The following NRXN3 variants were observed in gnomAD, a reference collection of about 807,000 sequenced individuals.
The protein encoded by NRXN3 is neurexin 3, also known as neurexin III.
In NRXN3, 32 loss-of-function variants were observed where a neutral mutation model predicts 137.6. The observed-to-expected ratio is 0.23, with a 90% CI of 0.18 to 0.31. NRXN3 has a LOEUF of 0.31. Ranked by LOEUF, NRXN3 falls within the 10% of genes least tolerant of loss-of-function variation. The pLI is 1.00. For synonymous variants in NRXN3, 798 were observed against 784.5 expected (o/e 1.02, Z -0.29); for missense variants, 1,574 against 2,062.5 (o/e 0.76, Z 4.59).
At chr14:78,252,084 T>C (rs2153462831) in intron 2 of NRXN3, among the ~76,000 whole-genome samples, 1 of 152,264 alleles carries the variant, frequency 6.6e-6, no homozygotes, top group African/African-American at 2.4e-5. Flanking sequence ...AAATGTGTCA[T>C]CGTCTATATC....
At position 79,466,959 on chromosome 14, in the gene NRXN3, C is replaced by T. The variant is rs139287107; in HGVS notation, c.3263-262C>T. ...ACTTAGGATGTTATTTACCCTCCAC[C>T]GTTATGCAGCGGGAACTTAAGATGT... On this transcript the variant is annotated intron_variant, in intron 15 of 20. Coordinates refer to ENST00000335750, the MANE Select transcript of NRXN3 (RefSeq NM_001330195.2). Among the ~76,000 whole-genome samples, 166 of 152,288 alleles carry T rather than the reference C, an allele frequency of 1.1e-3. 1 individual carries two copies. Among genetic ancestry groups the T allele is most frequent in the South Asian group, 2.7e-3 (13 of 4,824 alleles).
At chr14:79,365,187 T>C (rs894253691) in intron 15 of NRXN3, among the ~76,000 whole-genome samples, 1 of 152,156 alleles carries the variant, frequency 6.6e-6, no homozygotes, top group Non-Finnish European at 1.5e-5. Context: ...TTCTGAGTTC[T>C]GTACAACAGA....
At chr14:78,650,579 C>T (rs902650044) in intron 5 of NRXN3, among the ~76,000 whole-genome samples, 6 of 151,758 alleles carry the variant, frequency 4.0e-5, no homozygotes, top group African/African-American at 1.2e-4. Flanking sequence ...CATGTATCAT[C>T]CATGACCATA....
chr14:79,768,467 T>C (rs987760779), intron 19 of NRXN3, among the ~76,000 whole-genome samples: 1 of 152,158 alleles, frequency 6.6e-6, no homozygotes, highest in Admixed American at 6.5e-5. Flanking sequence ...CCCTGACCCC[T>C]GACCCCCGAG....
At position 79,497,944 on chromosome 14, in the gene NRXN3, G is replaced by T. The variant is rs138926694; in HGVS notation, c.3444+30542G>T. Among the ~76,000 whole-genome samples, 106 of 152,202 alleles carry T rather than the reference G, an allele frequency of 7.0e-4. No homozygotes were observed. In the East Asian group the frequency reaches 0.02, roughly 29 times the overall value. ...AGCTACTTGGAAGGCTGAGGCAAGAGAATCACTTGAACCCAGGATGCAGAG... is the reference window on the plus strand; with the variant it reads ...AGCTACTTGGAAGGCTGAGGCAAGATAATCACTTGAACCCAGGATGCAGAG... On this transcript the variant is annotated intron_variant, in intron 16 of 20. Transcript: ENST00000335750.
At chr14:78,884,806 G>T (rs555686298) in intron 10 of NRXN3, among the ~76,000 whole-genome samples, 19 of 152,256 alleles carry the variant, frequency 1.2e-4, no homozygotes, top group African/African-American at 4.3e-4. Context: ...CTAACTAGCT[G>T]TGCAATCTTG....
At chr14:79,015,994 T>C (rs2099578545) in intron 15 of NRXN3, among the ~76,000 whole-genome samples, 1 of 152,162 alleles carries the variant, frequency 6.6e-6, no homozygotes, top group Non-Finnish European at 1.5e-5. Flanking sequence ...GGAACAGGAC[T>C]GAAAGGGCCG....
intron 4 of NRXN3, among the ~76,000 whole-genome samples, chr14:78,327,703 C>T (rs2080274397): frequency 6.6e-6 from 1 of 152,184 alleles, no homozygotes; most frequent in African/African-American, 2.4e-5. Context: ...CAAGAAACTG[C>T]TGCTCTCATG....
intron 19 of NRXN3, among the ~76,000 whole-genome samples, chr14:79,755,349 C>G (rs1167732894): frequency 6.6e-6 from 1 of 151,620 alleles, no homozygotes; most frequent in Non-Finnish European, 1.5e-5. Context: ...ATATCATTCT[C>G]TCTCCCTCTG....
chr14:78,828,722 A>G (rs550137416), intron 10 of NRXN3, among the ~76,000 whole-genome samples: 1 of 152,254 alleles, frequency 6.6e-6, no homozygotes, highest in Admixed American at 6.5e-5. Flanking sequence ...AGTTTGGAAA[A>G]CTCTTCATTT....
intron 20 of NRXN3, among the ~76,000 whole-genome samples, chr14:79,848,619 T>C (rs1254669503): frequency 6.6e-6 from 1 of 152,188 alleles, no homozygotes; most frequent in East Asian, 1.9e-4. Flanking sequence ...AAAAATCATC[T>C]GTGTACCAGT....
chr14:79,336,734 T>C (rs1478125381), intron 15 of NRXN3, among the ~76,000 whole-genome samples: 1 of 152,204 alleles, frequency 6.6e-6, no homozygotes, highest in African/African-American at 2.4e-5. Context: ...GAATCACCTG[T>C]GCTATGACTC....
At chr14:79,679,976 C>A (rs1188947806) in intron 17 of NRXN3, among the ~76,000 whole-genome samples, 1 of 152,084 alleles carries the variant, frequency 6.6e-6, no homozygotes, top group Non-Finnish European at 1.5e-5. Context: ...CTTTTGGTAA[C>A]CCCTTAGTCC....
intron 4 of NRXN3, among the ~76,000 whole-genome samples, chr14:78,519,223 C>T (rs575657098): frequency 3.3e-4 from 50 of 152,178 alleles, no homozygotes; most frequent in African/African-American, 1.1e-3. Flanking sequence ...TATTAGTAAA[C>T]ATATGTCTGT....
Position 79,862,053 on chromosome 14 carries a change from G to C in NRXN3, c.*89G>C. ...GGACGGTGAGATCTCACAGATGTCA[G>C]AACTGCTGGAACTATGAAATGGGGT... On this transcript the variant is annotated 3_prime_UTR_variant, in exon 21 of 21. Transcript: ENST00000335750. The C allele has an allele frequency of 1.8e-6, 2 of 1,103,200 alleles. No individual in the cohort carries two copies. The highest frequency in any genetic ancestry group is 2.6e-5 in the East Asian group (1 of 38,618). The allele number at this position is 1,103,200 out of a possible 1,614,324, so 68.3% of individuals were successfully genotyped here.
intron 12 of NRXN3, 83 bp downstream of exon 12, chr14:78,966,489 G>T: frequency 7.0e-7 from 1 of 1,419,620 alleles, no homozygotes; most frequent in Non-Finnish European, 9.6e-7. Context: ...AAAATAACTT[G>T]TCTATTCTAC....
At chr14:79,690,408 C>A (rs2098712132) in intron 17 of NRXN3, among the ~76,000 whole-genome samples, 2 of 152,006 alleles carry the variant, frequency 1.3e-5, no homozygotes, top group African/African-American at 4.8e-5. Context: ...TCTTTGCCTG[C>A]CCTCTCCATT....
intron 15 of NRXN3, among the ~76,000 whole-genome samples, chr14:79,345,748 C>G (rs1302960147): frequency 6.6e-6 from 1 of 152,118 alleles, no homozygotes; most frequent in East Asian, 1.9e-4. Context: ...TTCCTGCTGT[C>G]ACCTTATGAT....
At chr14:79,093,979 C>A in intron 15 of NRXN3, among the ~76,000 whole-genome samples, 1 of 151,994 alleles carries the variant, frequency 6.6e-6, no homozygotes, top group East Asian at 1.9e-4. Context: ...ACCATCAGGG[C>A]AACTCAACCC....
Sources: gnomAD v4.1 joint callset for allele counts (sites outside exome capture counted in the v4.1 genomes callset) on GRCh38, gnomAD v4.1.1 for gene constraint, MANE v1.5 for transcripts, NCBI Gene and HGNC (gene_info 2026-07-23, HGNC 2026-07-21) for gene names.